The following RASGRF2 variants were observed in gnomAD, a reference collection of about 807,000 sequenced individuals.
RASGRF2 encodes ras-specific guanine nucleotide-releasing factor 2.
Under a neutral mutation model 151.0 loss-of-function variants are expected in RASGRF2, and 76 were observed. That is an observed-to-expected ratio of 0.50 (90% CI 0.42 to 0.61). The LOEUF is 0.61. RASGRF2 is among the 20% of genes least tolerant of loss of function. RASGRF2 has a pLI of 0.00. For synonymous variants in RASGRF2, 504 were observed against 566.5 expected, an observed-to-expected ratio of 0.89 and a Z score of 1.57; for missense variants, 1,148 against 1,564.6, an observed-to-expected ratio of 0.73 and a Z score of 4.49.
chr5:81,037,458 T>C (rs1750538158), intron 1 of RASGRF2, among the ~76,000 whole-genome samples: 1 of 152,192 alleles, frequency 6.6e-6, no homozygotes, highest in African/African-American at 2.4e-5. Context: ...ATTTTCTGTC[T>C]CTCTCTGGAA....
chr5:81,216,375 A>ACACACACT (rs1755738271), intron 24 of RASGRF2, among the ~76,000 whole-genome samples: 1 of 127,888 alleles, frequency 7.8e-6, no homozygotes, highest in African/African-American at 3.1e-5. Context: ...ACACGCACAC[A>ACACACACT]CACACACACA....
At chr5:81,159,838 A>G (rs955832514) in intron 17 of RASGRF2, among the ~76,000 whole-genome samples, 1 of 152,166 alleles carries the variant, frequency 6.6e-6, no homozygotes, top group African/African-American at 2.4e-5. Context: ...GACCTGTTTT[A>G]TTAGTGACTA....
chr5:80,991,181 G>A (rs1748637899), intron 1 of RASGRF2, among the ~76,000 whole-genome samples: 1 of 152,194 alleles, frequency 6.6e-6, no homozygotes, highest in Non-Finnish European at 1.5e-5. Context: ...GGTGACTCAT[G>A]TCTGTAATCC....
intron 17 of RASGRF2, among the ~76,000 whole-genome samples, chr5:81,164,677 G>A (rs940922997): frequency 8.5e-5 from 13 of 152,126 alleles, no homozygotes; most frequent in African/African-American, 3.1e-4. Flanking sequence ...AATGAATAGC[G>A]ATGGCAACAC....
chr5:81,106,671 A>G (rs1164610444), intron 12 of RASGRF2, among the ~76,000 whole-genome samples: 3 of 152,112 alleles, frequency 2.0e-5, no homozygotes, highest in Non-Finnish European at 4.4e-5. Context: ...TCAGGTCCTG[A>G]CAGAACTTTC....
chr5:81,052,791 A>G (rs1751055194), intron 2 of RASGRF2, among the ~76,000 whole-genome samples: 1 of 152,134 alleles, frequency 6.6e-6, no homozygotes, highest in Non-Finnish European at 1.5e-5. Context: ...TAGGAGCTGT[A>G]CTATTGTCAT....
In RASGRF2 at chr5:81,106,284, C is replaced by T. The variant is rs148461621; in HGVS notation, c.1756-2712C>T. Among the ~76,000 whole-genome samples the T allele has an allele frequency of 3.9e-5, 6 of 152,036 alleles. No homozygotes were observed. In the East Asian group the frequency reaches 9.7e-4, roughly 25 times the overall value. On this transcript the variant is annotated intron_variant, in intron 12 of 26. Transcript: ENST00000265080. ...TTCCTTTCTTCAAAATATGTATGTC[C>T]ACCCTTTCCTCTTCATTCTCACAGT...
intron 1 of RASGRF2, among the ~76,000 whole-genome samples, chr5:80,999,301 C>T (rs1291265002): frequency 6.6e-6 from 1 of 152,066 alleles, no homozygotes; most frequent in Non-Finnish European, 1.5e-5. Flanking sequence ...ACATCTCACC[C>T]CCAGAGCCAC....
At chr5:81,120,565 A>C (rs1753279122) in intron 15 of RASGRF2, among the ~76,000 whole-genome samples, 1 of 152,254 alleles carries the variant, frequency 6.6e-6, no homozygotes, top group Non-Finnish European at 1.5e-5. Flanking sequence ...CCTGGGTCAC[A>C]GAGTAAGACC....
chr5:81,149,583 T>C (rs1176650453), intron 17 of RASGRF2, among the ~76,000 whole-genome samples: 1 of 151,624 alleles, frequency 6.6e-6, no homozygotes, highest in Non-Finnish European at 1.5e-5. Flanking sequence ...AAATCACTTA[T>C]CCATGTAACC....
intron 23 of RASGRF2, 145 bp downstream of exon 23, chr5:81,212,708 C>A: frequency 1.4e-6 from 1 of 740,096 alleles, no homozygotes; most frequent in Non-Finnish European, 2.1e-6. Context: ...TGGGTAATTA[C>A]AGGGCTCTTA....
intron 1 of RASGRF2, among the ~76,000 whole-genome samples, chr5:80,978,514 G>A (rs976545477): frequency 1.3e-5 from 2 of 152,208 alleles, no homozygotes; most frequent in Admixed American, 6.5e-5. Flanking sequence ...CAGGCACAGT[G>A]GCTCATGCCT....
chr5:81,225,331 AAGC>A (rs1201970617), intron 26 of RASGRF2, among the ~76,000 whole-genome samples: 1 of 152,206 alleles, frequency 6.6e-6, no homozygotes, highest in African/African-American at 2.4e-5. Context: ...TAAGAGATGA[AAGC>A]AGAATAAAAT....
At chr5:81,209,390 T>C (rs1400114623) in intron 22 of RASGRF2, among the ~76,000 whole-genome samples, 2 of 152,094 alleles carry the variant, frequency 1.3e-5, no homozygotes, top group Non-Finnish European at 2.9e-5. Flanking sequence ...ACGGGAAGCC[T>C]CCCCTTCCAG....
chr5:81,125,910 A>C (rs554128981), intron 16 of RASGRF2, among the ~76,000 whole-genome samples: 43 of 152,256 alleles, frequency 2.8e-4, no homozygotes, highest in Non-Finnish European at 5.7e-4. Context: ...ACATATTTCT[A>C]TCTAGCTGAA....
rs76840244 is a variant in RASGRF2 at position 81,212,880 on chromosome 5, C to A, written c.3354+317C>A. Among the ~76,000 whole-genome samples, 1,012 of 152,288 alleles carry A rather than the reference C, an allele frequency of 6.6e-3. 8 individuals carry two copies. The highest frequency in any genetic ancestry group is 9.1e-3 in the Non-Finnish European group (621 of 68,012). On this transcript the variant is annotated intron_variant, in intron 23 of 26. Coordinates refer to ENST00000265080, the MANE Select transcript of RASGRF2 (RefSeq NM_006909.3). Reference sequence around the variant, plus strand: ...CACACTTATGTCCAGTGGGTCCATTCTTTCTCTCCCAGAGTGAGGGTGCAA... The same window carrying A: ...CACACTTATGTCCAGTGGGTCCATTATTTCTCTCCCAGAGTGAGGGTGCAA...
intron 9 of RASGRF2, chr5:81,087,602 A>C: frequency 1.8e-6 from 1 of 554,076 alleles, no homozygotes; most frequent in Non-Finnish European, 3.2e-6. Flanking sequence ...GAGAAGCAAC[A>C]GCCTGACAGT....
intron 1 of RASGRF2, among the ~76,000 whole-genome samples, chr5:80,970,013 C>G (rs1747880167): frequency 1.3e-5 from 2 of 151,394 alleles, no homozygotes; most frequent in African/African-American, 2.4e-5. Context: ...TTAGTAGAGA[C>G]AGGATTTCTC....
intron 17 of RASGRF2, among the ~76,000 whole-genome samples, chr5:81,158,499 C>T (rs1051140755): frequency 6.6e-6 from 1 of 151,956 alleles, no homozygotes; most frequent in Non-Finnish European, 1.5e-5. Flanking sequence ...AAAAGACACC[C>T]TCGAGAAAGT....
Sources: allele counts gnomAD v4.1 joint callset (sites outside exome capture counted in the v4.1 genomes callset), GRCh38; gene constraint gnomAD v4.1.1; transcripts MANE v1.5; gene names NCBI Gene and HGNC (gene_info 2026-07-23, HGNC 2026-07-21).